The following CAPN13 variants were observed in gnomAD, a reference collection of about 807,000 sequenced individuals.
The protein encoded by CAPN13 is calpain 13.
In CAPN13, 90 loss-of-function variants were observed where a neutral mutation model predicts 98.4. The ratio of observed to expected loss-of-function variants is 0.92; its 90% CI spans 0.77 to 1.09. The LOEUF is 1.09. Ranked by LOEUF, CAPN13 falls within the 50% of genes least tolerant of loss-of-function variation. The pLI is 0.00. For synonymous variants in CAPN13, 330 were observed against 305.5 expected (o/e 1.08, Z -0.84); for missense variants, 887 against 841.3 (o/e 1.05, Z -0.67).
At chr2:30,741,224 G>T in intron 15 of CAPN13, 1 of 258,370 alleles carries the variant, frequency 3.9e-6, no homozygotes, top group Non-Finnish European at 6.1e-6. Flanking sequence ...TTTGGCCCAG[G>T]CTGCTTCTGG....
intron 1 of CAPN13, among the ~76,000 whole-genome samples, chr2:30,806,969 C>T (rs1879282): frequency 0.74 from 112,473 of 152,196 alleles, 42,176 homozygotes; most frequent in African/African-American, 0.84. Context: ...GTGTCCCTTA[C>T]GGTGAACACA....
chr2:30,732,005 T>C (rs924630392), intron 20 of CAPN13, among the ~76,000 whole-genome samples: 11 of 152,094 alleles, frequency 7.2e-5, no homozygotes, highest in African/African-American at 2.7e-4. Context: ...GTGATGCTGC[T>C]AAAAAGTGTG....
At chr2:30,796,277 A>G (rs1325500141) in intron 1 of CAPN13, among the ~76,000 whole-genome samples, 1 of 145,890 alleles carries the variant, frequency 6.9e-6, no homozygotes, top group East Asian at 1.9e-4. Flanking sequence ...CTTGATTTTT[A>G]AAAAGTATTT....
intron 2 of CAPN13, among the ~76,000 whole-genome samples, chr2:30,784,520 A>T (rs1674158870): frequency 6.6e-6 from 1 of 152,260 alleles, no homozygotes; most frequent in Non-Finnish European, 1.5e-5. Context: ...AAAAAGGGAA[A>T]AAAGGGCAGA....
At chr2:30,799,636 C>A (rs1675071661) in intron 1 of CAPN13, among the ~76,000 whole-genome samples, 1 of 152,162 alleles carries the variant, frequency 6.6e-6, no homozygotes, top group Non-Finnish European at 1.5e-5. Flanking sequence ...CCGAGGGCAT[C>A]CTACTTTGTG....
chr2:30,753,149 T>C lies in CAPN13; in HGVS notation c.991A>G (p.Ser331Gly). The C allele has an allele frequency of 6.2e-7, 1 of 1,614,028 alleles. No homozygotes were observed. The highest frequency in any genetic ancestry group is 8.5e-7 in the Non-Finnish European group (1 of 1,179,880). ...TGGTCCAGGGTAATTGGAATTTCGC[T>C]ACATATAAACATGGCGATGAATTTC... ...QQKFIAMFICSEIPITLDHGN... is the reference protein window; with the variant it reads ...QQKFIAMFICGEIPITLDHGN... Residue 331 changes from serine to glycine, a missense_variant, in exon 10 of 23, where the codon AGC (serine) becomes GGC (glycine). Coordinates refer to ENST00000295055, the MANE Select transcript of CAPN13 (RefSeq NM_144575.3).
chr2:30,789,456 A>C (rs1437099524), intron 1 of CAPN13, among the ~76,000 whole-genome samples: 1 of 152,228 alleles, frequency 6.6e-6, no homozygotes, highest in African/African-American at 2.4e-5. Context: ...GTAGCCCTTA[A>C]TTGCATATAA....
intron 1 of CAPN13, among the ~76,000 whole-genome samples, chr2:30,804,851 C>T (rs1324400977): frequency 6.6e-6 from 1 of 152,200 alleles, no homozygotes; most frequent in Non-Finnish European, 1.5e-5. Context: ...TATCCAAAGT[C>T]CCCTTTATGG....
At chr2:30,805,747 C>CTTTATTTTATTTTT (rs60473516) in intron 1 of CAPN13, among the ~76,000 whole-genome samples, 1 of 121,532 alleles carries the variant, frequency 8.2e-6, no homozygotes, top group African/African-American at 3.3e-5. Flanking sequence ...GTAGGTTGGT[C>CTTTATTTTATTTTT]TTTTTTTTTT....
rs896563119 is a variant in CAPN13 at position 30,736,733 on chromosome 2, G to C, written c.1654-162C>G. The C allele has an allele frequency of 3.5e-5, 22 of 633,440 alleles. No individual in the cohort carries two copies. In the East Asian group the frequency reaches 6.1e-4, roughly 18 times the overall value. The allele number at this position is 633,440 out of a possible 1,614,324, so 39.2% of individuals were successfully genotyped here. A position where few individuals can be genotyped will look rare whatever the true frequency, so the allele number is the denominator to read the frequency against. On this transcript the variant is annotated intron_variant, in intron 17 of 22. Transcript: ENST00000295055. ...CAGCTGGCTCCCGCTGTGTCTGAAA[G>C]GGACCTGGCTTAGATTTGTTTTACA... is the stretch of plus-strand genomic sequence containing the variant.
At chr2:30,764,586 A>T (rs1360550103) in intron 5 of CAPN13, among the ~76,000 whole-genome samples, 4 of 152,120 alleles carry the variant, frequency 2.6e-5, no homozygotes, top group Admixed American at 2.6e-4. Flanking sequence ...CCTGTGCTGG[A>T]GGCACAGGTT....
intron 20 of CAPN13, among the ~76,000 whole-genome samples, chr2:30,731,711 G>A (rs566437723): frequency 6.6e-6 from 1 of 152,308 alleles, no homozygotes; most frequent in African/African-American, 2.4e-5. Flanking sequence ...GTGAGGGCTT[G>A]TCATTCTTTC....
chr2:30,802,832 C>G (rs530282517), intron 1 of CAPN13, among the ~76,000 whole-genome samples: 2 of 152,318 alleles, frequency 1.3e-5, no homozygotes, highest in East Asian at 3.9e-4. Context: ...CTCCACCCCT[C>G]TTGCTGTCTG....
intron 2 of CAPN13, among the ~76,000 whole-genome samples, chr2:30,778,340 C>T (rs766073064): frequency 1.3e-5 from 2 of 152,176 alleles, no homozygotes; most frequent in African/African-American, 4.8e-5. Context: ...GAAGAACTGT[C>T]AGCAGGCACC....
chr2:30,786,021 A>G (rs1402050), intron 2 of CAPN13, among the ~76,000 whole-genome samples: 16,669 of 145,626 alleles, frequency 0.11, 2,806 homozygotes, highest in African/African-American at 0.39. Context: ...ATCTGCCCCA[A>G]CGTAGGGCAA....
chr2:30,800,165 A>AAAGAAAGG (rs2148112478), intron 1 of CAPN13, among the ~76,000 whole-genome samples: 1 of 151,680 alleles, frequency 6.6e-6, no homozygotes, highest in East Asian at 1.9e-4. Flanking sequence ...AGAAAGAAAG[A>AAAGAAAGG]AAGAAAGAAA....
intron 10 of CAPN13, among the ~76,000 whole-genome samples, chr2:30,751,626 G>A (rs1189908624): frequency 6.6e-6 from 1 of 152,194 alleles, no homozygotes; most frequent in Non-Finnish European, 1.5e-5. Context: ...ACTAGAGACA[G>A]GAAAACAGGC....
At chr2:30,728,566 T>C (rs970655604) in intron 22 of CAPN13, among the ~76,000 whole-genome samples, 1 of 151,918 alleles carries the variant, frequency 6.6e-6, no homozygotes. Context: ...AAAGGTGTAA[T>C]GGTGTGGTTG....
intron 6 of CAPN13, among the ~76,000 whole-genome samples, chr2:30,763,670 C>T (rs1243083412): frequency 2.0e-5 from 3 of 152,218 alleles, no homozygotes; most frequent in African/African-American, 7.2e-5. Flanking sequence ...CCAAGCTTTT[C>T]AAAATGGGTC....
Sources: gnomAD v4.1 joint callset for allele counts (sites outside exome capture counted in the v4.1 genomes callset) on GRCh38, gnomAD v4.1.1 for gene constraint, MANE v1.5 for transcripts, NCBI Gene and HGNC (gene_info 2026-07-23, HGNC 2026-07-21) for gene names.